Variants in SNX4 observed in about 807,000 individuals in gnomAD.
The protein encoded by SNX4 is sorting nexin 4.
In SNX4, 49 loss-of-function variants were observed where a neutral mutation model predicts 70.8. That is an observed-to-expected ratio of 0.69 (90% CI 0.55 to 0.88). The LOEUF (loss-of-function observed/expected upper bound fraction) is 0.88, where lower values mean the gene tolerates loss of function less well. Among genes scored for constraint, SNX4 ranks in the 40% least tolerant of loss-of-function variants. SNX4 has a pLI of 0.00. For missense variants in SNX4, 528 were observed against 544.8 expected, an observed-to-expected ratio of 0.97 and a Z score of 0.31; for synonymous variants, 206 against 183.8, an observed-to-expected ratio of 1.12 and a Z score of -0.98.
At chr3:125,457,829 G>A (rs865797876) in intron 10 of SNX4, among the ~76,000 whole-genome samples, 4 of 151,418 alleles carry the variant, frequency 2.6e-5, no homozygotes, top group South Asian at 2.1e-4. Context: ...CACCCACTTC[G>A]GCCTCCCAAA....
At chr3:125,502,326 C>A (rs1475739408) in intron 2 of SNX4, among the ~76,000 whole-genome samples, 1 of 148,174 alleles carries the variant, frequency 6.7e-6, no homozygotes, top group Non-Finnish European at 1.5e-5. Context: ...TCCTAAACTT[C>A]TTACTGTATA....
chr3:125,452,612 A>G (rs1435449615), intron 12 of SNX4, among the ~76,000 whole-genome samples: 1 of 151,694 alleles, frequency 6.6e-6, no homozygotes, highest in Non-Finnish European at 1.5e-5. Flanking sequence ...TAAAAATTAA[A>G]ATCCCGAGAG....
intron 9 of SNX4, among the ~76,000 whole-genome samples, chr3:125,467,265 T>C (rs1934050204): frequency 6.6e-6 from 1 of 151,772 alleles, no homozygotes; most frequent in Non-Finnish European, 1.5e-5. Context: ...TGGGCGCCTG[T>C]AATCCCAGCT....
chr3:125,492,685 C>CCA (rs1410734855), intron 5 of SNX4, among the ~76,000 whole-genome samples: 10 of 152,158 alleles, frequency 6.6e-5, no homozygotes, highest in South Asian at 6.2e-4. Context: ...CTTAATGTCT[C>CCA]CAATCACTAA....
chr3:125,517,926 G>A (rs1049363286), intron 1 of SNX4, among the ~76,000 whole-genome samples: 4 of 151,852 alleles, frequency 2.6e-5, no homozygotes, highest in African/African-American at 9.7e-5. Flanking sequence ...GCAGTGACCC[G>A]AGATCACGCC....
chr3:125,480,345 C>T (rs377668124), intron 6 of SNX4, 26 bp from the exon 7 acceptor site: 14 of 1,423,472 alleles, frequency 9.8e-6, no homozygotes, highest in Admixed American at 4.9e-5. Context: ...AATAAAACAT[C>T]GTTTTTCAAA....
intron 9 of SNX4, among the ~76,000 whole-genome samples, chr3:125,464,564 C>CTTTTTTTTTTTTTTTTTTTTTT (rs778518316): frequency 4.5e-5 from 3 of 67,054 alleles, no homozygotes; most frequent in African/African-American, 2.0e-4. Flanking sequence ...ATTTATCTTT[C>CTTTTTTTTTTTTTTTTTTTTTT]TTTTTTTTTT....
intron 6 of SNX4, among the ~76,000 whole-genome samples, chr3:125,485,655 G>A (rs1019295988): frequency 2.6e-5 from 4 of 152,058 alleles, no homozygotes; most frequent in Non-Finnish European, 5.9e-5. Context: ...CTATTATACT[G>A]AAAATAAATC....
intron 5 of SNX4, among the ~76,000 whole-genome samples, chr3:125,493,143 C>T (rs1934699311): frequency 6.6e-6 from 1 of 152,030 alleles, no homozygotes; most frequent in Admixed American, 6.6e-5. Flanking sequence ...GAAACAGAGT[C>T]TTGCTATGTT....
chr3:125,519,601 C>A (rs893979751), intron 1 of SNX4, among the ~76,000 whole-genome samples: 2 of 152,164 alleles, frequency 1.3e-5, no homozygotes, highest in Non-Finnish European at 2.9e-5. Context: ...CCCACTGTGT[C>A]CCTTTAAGCT....
chr3:125,450,992 A>C (rs73197495), intron 13 of SNX4, among the ~76,000 whole-genome samples: 24,298 of 152,154 alleles, frequency 0.16, 2,065 homozygotes, highest in African/African-American at 0.21. Context: ...GAGGCTGGAC[A>C]TGGTGGCTCG....
intron 1 of SNX4, among the ~76,000 whole-genome samples, chr3:125,510,385 A>G: frequency 6.6e-6 from 1 of 150,504 alleles, no homozygotes; most frequent in South Asian, 2.2e-4. Flanking sequence ...CGCCCGCCAC[A>G]CGCCCGGCTA....
Position 125,498,054 on chromosome 3 carries a change from C to T in SNX4, c.399+5G>A. On this transcript the variant is annotated splice_donor_5th_base_variant and intron_variant, in intron 3 of 13. Transcript: ENST00000251775. ...CTTCTAAACTACTGCCATTTCACTT[C>T]TTACCCGTTTTTCTGGCAGAGGTGG... 1 of 1,614,038 alleles carries T rather than the reference C, an allele frequency of 6.2e-7. No homozygotes were observed. The highest frequency in any genetic ancestry group is 8.5e-7 in the Non-Finnish European group (1 of 1,179,982).
intron 6 of SNX4, among the ~76,000 whole-genome samples, chr3:125,488,276 G>C (rs1422429005): frequency 6.6e-6 from 1 of 150,378 alleles, no homozygotes; most frequent in Non-Finnish European, 1.5e-5. Context: ...AGGAGTTTGA[G>C]ACCAGCCTGG....
At chr3:125,481,135 T>C in intron 6 of SNX4, among the ~76,000 whole-genome samples, 1 of 152,218 alleles carries the variant, frequency 6.6e-6, no homozygotes, top group East Asian at 1.9e-4. Context: ...CATTCCCATA[T>C]ACTGCACAGC....
intron 7 of SNX4, 138 bp downstream of exon 7, chr3:125,480,109 T>C: frequency 8.9e-6 from 4 of 451,292 alleles, no homozygotes; most frequent in East Asian, 3.5e-5. Context: ...AAAGTGCAGT[T>C]TGGATGATGA....
At chr3:125,506,601 G>C (rs935271421) in intron 1 of SNX4, among the ~76,000 whole-genome samples, 1 of 150,484 alleles carries the variant, frequency 6.6e-6, no homozygotes, top group African/African-American at 2.4e-5. Context: ...CACCTCTTGG[G>C]TTCAAGGGAT....
At chr3:125,453,206 C>G (rs1003767536) in intron 12 of SNX4, among the ~76,000 whole-genome samples, 1 of 152,128 alleles carries the variant, frequency 6.6e-6, no homozygotes, top group Non-Finnish European at 1.5e-5. Flanking sequence ...TTAAATTTAG[C>G]CAGGGATAGT....
chr3:125,502,734 A>C (rs1464127723), intron 2 of SNX4, among the ~76,000 whole-genome samples: 1 of 151,222 alleles, frequency 6.6e-6, no homozygotes, highest in East Asian at 2.0e-4. Context: ...GGCGCCTGTA[A>C]TACCAGCTAC....
Sources: allele counts gnomAD v4.1 joint callset (sites outside exome capture counted in the v4.1 genomes callset), GRCh38; gene constraint gnomAD v4.1.1; transcripts MANE v1.5; gene names NCBI Gene and HGNC (gene_info 2026-07-23, HGNC 2026-07-21).